The following ABHD12 variants were observed in gnomAD, a reference collection of about 807,000 sequenced individuals.
ABHD12 encodes lysophosphatidylserine lipase ABHD12.
In ABHD12, 43 loss-of-function variants were observed where a neutral mutation model predicts 58.3. The observed-to-expected ratio is 0.74, with a 90% CI of 0.58 to 0.95. The LOEUF (loss-of-function observed/expected upper bound fraction) is 0.95, where lower values mean the gene tolerates loss of function less well. Ranked by LOEUF, ABHD12 falls within the 40% of genes least tolerant of loss-of-function variation. The pLI is 0.00. For synonymous variants in ABHD12, 219 were observed against 211.2 expected, an observed-to-expected ratio of 1.04 and a Z score of -0.32; for missense variants, 539 against 537.2, an observed-to-expected ratio of 1.00 and a Z score of -0.03.
rs1297681098 is a variant in ABHD12, at chr20:25,300,488, G to T, written c.*357C>A. The stretch of plus-strand genomic sequence containing the variant: ...GGGTGGTGCCAAAAAGCTCAGCATG[G>T]TCCCGAGCCCCAAGAGTCCCCTGCC... On this transcript the variant is annotated 3_prime_UTR_variant, in exon 13 of 13. Coordinates refer to ENST00000339157, the MANE Select transcript of ABHD12 (RefSeq NM_001042472.3). 4.7e-6 allele frequency: 6 copies of T among 1,267,290 alleles called. No homozygotes were observed. The highest frequency in any genetic ancestry group is 6.0e-6 in the Non-Finnish European group (6 of 994,652). The allele number at this position is 1,267,290 out of a possible 1,614,324, so 78.5% of individuals were successfully genotyped here.
At chr20:25,297,215 T>C (rs200228766), downstream of ABHD12, 1 of 152,368 alleles carries the variant, frequency 6.6e-6, no homozygotes, top group Non-Finnish European at 1.5e-5. Flanking sequence ...GGTGCTTGTG[T>C]CTGCTGTCTC....
intron 1 of ABHD12, among the ~76,000 whole-genome samples, chr20:25,383,077 G>C (rs1430249329): frequency 6.6e-6 from 1 of 152,160 alleles, no homozygotes; most frequent in African/African-American, 2.4e-5. Context: ...AGCTAGCTCA[G>C]AACTCGCTCC....
At chr20:25,362,480 T>C (rs191774381) in intron 1 of ABHD12, among the ~76,000 whole-genome samples, 141 of 149,830 alleles carry the variant, frequency 9.4e-4, no homozygotes, top group African/African-American at 3.3e-3. Flanking sequence ...GGCAGAGAAT[T>C]GCTTGAACCC....
Position 25,309,583 on chromosome 20 carries a change from G to T in ABHD12, c.620-8C>A. 3 of 1,614,020 alleles carry T rather than the reference G, an allele frequency of 1.9e-6. No homozygotes were observed. Among genetic ancestry groups the T allele is most frequent in the Non-Finnish European group, 2.5e-6 (3 of 1,179,938 alleles). ...CCACTGAGTCACCCCAACCTGGGAG[G>T]GAGAAACGGCAGGACGGGGAGGTCA... On this transcript the variant is annotated splice_polypyrimidine_tract_variant and splice_region_variant and intron_variant, in intron 6 of 12. Transcript: ENST00000339157.
intron 2 of ABHD12, among the ~76,000 whole-genome samples, chr20:25,332,083 T>C (rs1368387679): frequency 4.6e-5 from 7 of 152,128 alleles, no homozygotes; most frequent in African/African-American, 9.6e-5. Flanking sequence ...GAGACACACA[T>C]AGGTTCAAAA....
chr20:25,382,188 G>A (rs1320892756), intron 1 of ABHD12, among the ~76,000 whole-genome samples: 1 of 152,222 alleles, frequency 6.6e-6, no homozygotes, highest in African/African-American at 2.4e-5. Flanking sequence ...GGGTCTCTAT[G>A]AAGGCTATCC....
At position 25,390,735 on chromosome 20, in the gene ABHD12, GCCC is replaced by G; in HGVS notation, c.-35_-33del. The G allele has an allele frequency of 1.0e-6, 1 of 1,004,090 alleles. No homozygotes were observed. Among genetic ancestry groups the G allele is most frequent in the Admixed American group, 5.4e-5 (1 of 18,472 alleles). The allele number at this position is 1,004,090 out of a possible 1,614,324, so 62.2% of individuals were successfully genotyped here. On this transcript the variant is annotated 5_prime_UTR_variant, in exon 1 of 13. Coordinates refer to ENST00000339157, the MANE Select transcript of ABHD12 (RefSeq NM_001042472.3). Reference sequence around the variant, plus strand: ...GCCGACAGGGCCAGCCGCCGACGGCGCCCGCTGGCCTGCGCCGCAGTGCCGCCG... The same window carrying G: ...GCCGACAGGGCCAGCCGCCGACGGCGGCTGGCCTGCGCCGCAGTGCCGCCG...
At chr20:25,379,493 T>G (rs967270122) in intron 1 of ABHD12, among the ~76,000 whole-genome samples, 1 of 152,130 alleles carries the variant, frequency 6.6e-6, no homozygotes, top group Admixed American at 6.5e-5. Flanking sequence ...GCCTTGGCCT[T>G]CCTTCCTATC....
intron 1 of ABHD12, chr20:25,339,892 C>A: frequency 1.5e-6 from 1 of 688,252 alleles, no homozygotes; most frequent in South Asian, 2.1e-5. Context: ...TACGCGTGGG[C>A]GAGCCCCTCT....
At chr20:25,383,297 T>C (rs1265240454) in intron 1 of ABHD12, among the ~76,000 whole-genome samples, 1 of 152,210 alleles carries the variant, frequency 6.6e-6, no homozygotes, top group Non-Finnish European at 1.5e-5. Flanking sequence ...GATGACTATG[T>C]TCTTTGGCAT....
At position 25,354,834 on chromosome 20, in the gene ABHD12, G is replaced by A. The variant is rs111753567; in HGVS notation, c.192-15483C>T. Among the ~76,000 whole-genome samples the A allele has an allele frequency of 7.2e-3, 1,097 of 152,198 alleles. 7 individuals are homozygous for A. The highest frequency in any genetic ancestry group is 0.021 in the Middle Eastern group (6 of 292). ...ACTGTCGTATTTTCTTAGAATGACA[G>A]TGTTTGGCCTCCCTCCAGCAGTTCA... On this transcript the variant is annotated intron_variant, in intron 1 of 12. Transcript: ENST00000339157.
chr20:25,315,979 G>C (rs1397603903), intron 5 of ABHD12, among the ~76,000 whole-genome samples: 1 of 152,150 alleles, frequency 6.6e-6, no homozygotes, highest in Non-Finnish European at 1.5e-5. Context: ...ACAAAACCAA[G>C]CAACCAAGCA....
Position 25,380,945 on chromosome 20 carries a change from G to A in ABHD12, c.191+9568C>T, listed in dbSNP as rs1215332703. ...TCTTTCCACATCTGTCCCCATCTCA[G>A]TATCTGGCAACTCCATTCTTCCTGT... On this transcript the variant is annotated intron_variant, in intron 1 of 12. Transcript: ENST00000339157. 2.0e-5 allele frequency among the ~76,000 whole-genome samples: 3 copies of A among 152,144 alleles called. No individual in the cohort carries two copies. The East Asian group carries it at 5.8e-4, about 29-fold the overall frequency.
In ABHD12 at chr20:25,308,023, T is replaced by TA; in HGVS notation, c.809dup (p.Leu271IlefsTer7). 3 of 1,608,892 alleles carry TA rather than the reference T, an allele frequency of 1.9e-6. No homozygotes were observed. Among genetic ancestry groups the TA allele is most frequent in the Non-Finnish European group, 2.6e-6 (3 of 1,175,250 alleles). ...GGATATTAGTGAATGGAGATTCCAA[T>TA]ATAAGGGCATCTGGAGGCGTCTCTA... On this transcript the variant is annotated frameshift_variant, in exon 9 of 13. Transcript: ENST00000339157. LOFTEE classifies it high-confidence loss of function.
At chr20:25,364,973 G>T (rs2089799858) in intron 1 of ABHD12, among the ~76,000 whole-genome samples, 1 of 152,158 alleles carries the variant, frequency 6.6e-6, no homozygotes, top group Admixed American at 6.5e-5. Context: ...GCATGGGAAT[G>T]GCTGCCTAGC....
At chr20:25,331,441 G>A (rs1193750643) in intron 2 of ABHD12, among the ~76,000 whole-genome samples, 1 of 152,064 alleles carries the variant, frequency 6.6e-6, no homozygotes, top group East Asian at 1.9e-4. Context: ...TTCAGATTCA[G>A]GAAATACAGA....
At chr20:25,301,036 C>T in intron 12 of ABHD12, 152 bp from the exon 13 acceptor site, 2 of 809,556 alleles carry the variant, frequency 2.5e-6, no homozygotes, top group Non-Finnish European at 4.1e-6. Flanking sequence ...CAGAGCAGCA[C>T]TCAGTGAGTT....
At chr20:25,301,876 A>G (rs902840873) in intron 12 of ABHD12, among the ~76,000 whole-genome samples, 112 of 152,256 alleles carry the variant, frequency 7.4e-4, no homozygotes, top group Middle Eastern at 3.4e-3. Context: ...ACGTCTTGAG[A>G]GGTGTGTGGA....
At chr20:25,314,737 C>G (rs1258830355) in intron 6 of ABHD12, among the ~76,000 whole-genome samples, 188 bp downstream of exon 6, 2 of 151,944 alleles carry the variant, frequency 1.3e-5, no homozygotes, top group Admixed American at 6.6e-5. Context: ...AGGTGCTGAG[C>G]CTCCCCTACC....
Sources: allele counts gnomAD v4.1 joint callset (sites outside exome capture counted in the v4.1 genomes callset), GRCh38; gene constraint gnomAD v4.1.1; transcripts MANE v1.5; gene names NCBI Gene and HGNC (gene_info 2026-07-23, HGNC 2026-07-21).